The following SHISA6 variants were observed in gnomAD, a reference collection of about 807,000 sequenced individuals.
SHISA6 encodes shisa family member 6.
A neutral mutation model predicts 47.9 loss-of-function variants in SHISA6; 22 were observed. The ratio of observed to expected loss-of-function variants is 0.46; its 90% CI spans 0.33 to 0.66. The LOEUF (loss-of-function observed/expected upper bound fraction) is 0.66, where lower values mean the gene tolerates loss of function less well. SHISA6 is among the 30% of genes least tolerant of loss of function. The probability of loss-of-function intolerance (pLI) is 0.02; values close to 1 mark genes in which losing one functional copy is unlikely to be tolerated. For missense variants in SHISA6, 680 were observed against 764.6 expected (o/e 0.89, Z 1.30); for synonymous variants, 388 against 337.8 (o/e 1.15, Z -1.63).
At chr17:11,496,923 C>CTT (rs915208120) in intron 3 of SHISA6, among the ~76,000 whole-genome samples, 1 of 151,952 alleles carries the variant, frequency 6.6e-6, no homozygotes, top group African/African-American at 2.4e-5. Flanking sequence ...TTTCATTTTT[C>CTT]AAGAGAAGAT....
At chr17:11,525,655 A>C (rs202152234) in intron 3 of SHISA6, among the ~76,000 whole-genome samples, 8 of 35,756 alleles carry the variant, frequency 2.2e-4, no homozygotes, top group South Asian at 9.2e-4. Flanking sequence ...AAAAAAACAA[A>C]AAAAAAAAAA....
rs187627639 is a variant in SHISA6, at chr17:11,491,216, C to T, written c.896-60680C>T. Among the ~76,000 whole-genome samples, 670 of 152,224 alleles carry T rather than the reference C, an allele frequency of 4.4e-3. 7 individuals carry two copies. The highest frequency in any genetic ancestry group is 0.014 in the African/African-American group (596 of 41,542). ...GAGGGGAGTCATATTGTCAACAGAA[C>T]GGACCAGGAAAGCATTCATGGAAAT... On this transcript the variant is annotated intron_variant, in intron 3 of 5. Transcript: ENST00000441885.
intron 2 of SHISA6, among the ~76,000 whole-genome samples, chr17:11,287,648 A>G (rs1474610169): frequency 2.2e-5 from 3 of 133,444 alleles, no homozygotes; most frequent in East Asian, 5.3e-4. Context: ...ATTCTAGCCT[A>G]GGTGACAGAG....
chr17:11,324,407 G>A (rs1320600515), intron 2 of SHISA6, among the ~76,000 whole-genome samples: 4 of 152,232 alleles, frequency 2.6e-5, no homozygotes, highest in African/African-American at 9.6e-5. Flanking sequence ...CACTGCCTGA[G>A]TGCTGTGGCC....
At chr17:11,311,102 ATCTC>A (rs1910316635) in intron 2 of SHISA6, among the ~76,000 whole-genome samples, 1 of 77,116 alleles carries the variant, frequency 1.3e-5, no homozygotes. Flanking sequence ...GCGAGACTCC[ATCTC>A]AAAAAAAAAA....
At chr17:11,357,427 A>G (rs2142226251) in intron 2 of SHISA6, among the ~76,000 whole-genome samples, 1 of 152,310 alleles carries the variant, frequency 6.6e-6, no homozygotes, top group East Asian at 1.9e-4. Flanking sequence ...AACTTTGGAA[A>G]ACACAGAAGA....
At chr17:11,277,086 A>C (rs12944215) in intron 2 of SHISA6, among the ~76,000 whole-genome samples, 20,586 of 152,064 alleles carry the variant, frequency 0.14, 1,726 homozygotes, top group African/African-American at 0.23. Flanking sequence ...CTTGAAATGA[A>C]TAGCTGAGAG....
At chr17:11,498,173 C>T (rs188765379) in intron 3 of SHISA6, among the ~76,000 whole-genome samples, 124 of 152,296 alleles carry the variant, frequency 8.1e-4, no homozygotes, top group South Asian at 3.9e-3. Flanking sequence ...TCAGGATAAA[C>T]AGGGATGTTG....
chr17:11,290,978 A>T (rs1909515586), intron 2 of SHISA6, among the ~76,000 whole-genome samples: 2 of 151,220 alleles, frequency 1.3e-5, no homozygotes, highest in African/African-American at 2.4e-5. Context: ...TTTATTATTA[A>T]TTTAATAATA....
chr17:11,253,120 C>T (rs1056951627), intron 1 of SHISA6, among the ~76,000 whole-genome samples: 1 of 152,206 alleles, frequency 6.6e-6, no homozygotes, highest in Non-Finnish European at 1.5e-5. Flanking sequence ...GTGTCACTTT[C>T]GGTGTTCTGT....
chr17:11,262,676 C>T (rs997308606), intron 1 of SHISA6, among the ~76,000 whole-genome samples: 22 of 152,318 alleles, frequency 1.4e-4, no homozygotes, highest in Admixed American at 2.6e-4. Context: ...AGTAACTGGA[C>T]CTCTTGCAGG....
intron 2 of SHISA6, among the ~76,000 whole-genome samples, chr17:11,292,620 T>C (rs1465577685): frequency 2.0e-5 from 3 of 151,866 alleles, no homozygotes; most frequent in African/African-American, 4.8e-5. Flanking sequence ...TGGAGGATTA[T>C]ATTGAGCAAC....
chr17:11,353,228 G>T (rs1911950920), intron 2 of SHISA6, among the ~76,000 whole-genome samples: 1 of 152,162 alleles, frequency 6.6e-6, no homozygotes. Context: ...GGAGGCCGAG[G>T]CTGGCGGATC....
chr17:11,472,630 C>T (rs1169987060), intron 3 of SHISA6, among the ~76,000 whole-genome samples: 1 of 152,194 alleles, frequency 6.6e-6, no homozygotes, highest in Non-Finnish European at 1.5e-5. Context: ...CTGCTGTAAA[C>T]ATCATGTGCA....
At chr17:11,407,531 C>A (rs1310317892) in intron 3 of SHISA6, among the ~76,000 whole-genome samples, 1 of 151,756 alleles carries the variant, frequency 6.6e-6, no homozygotes, top group African/African-American at 2.4e-5. Context: ...AATATACACA[C>A]ATAGAGCCAT....
chr17:11,387,104 C>G (rs78941813), intron 3 of SHISA6, among the ~76,000 whole-genome samples: 5,329 of 152,212 alleles, frequency 0.035, 176 homozygotes, highest in Admixed American at 0.088. Flanking sequence ...TGGGACTGCT[C>G]TGAGGTCACC....
At chr17:11,327,536 C>T (rs998008130) in intron 2 of SHISA6, among the ~76,000 whole-genome samples, 2 of 152,202 alleles carry the variant, frequency 1.3e-5, no homozygotes, top group African/African-American at 4.8e-5. Context: ...TCCAGTAATA[C>T]TGAAGGACCC....
chr17:11,373,530 T>G (rs1912695172), intron 2 of SHISA6, among the ~76,000 whole-genome samples: 2 of 152,232 alleles, frequency 1.3e-5, no homozygotes, highest in South Asian at 4.1e-4. Context: ...ATCTGTTATA[T>G]TAAAATCTCT....
chr17:11,406,796 T>C (rs971745456), intron 3 of SHISA6, among the ~76,000 whole-genome samples: 1 of 152,226 alleles, frequency 6.6e-6, no homozygotes. Context: ...CTGATCTGTT[T>C]TAGCATGATT....
Sources: gnomAD v4.1 joint callset for allele counts (sites outside exome capture counted in the v4.1 genomes callset) on GRCh38, gnomAD v4.1.1 for gene constraint, MANE v1.5 for transcripts, NCBI Gene and HGNC (gene_info 2026-07-23, HGNC 2026-07-21) for gene names.